DENND4A: variants seen among roughly 807,000 people sequenced by gnomAD.
The protein encoded by DENND4A is C-myc promoter-binding protein.
DENND4A carries 70 observed loss-of-function variants against 199.3 expected under a neutral mutation model. That is an observed-to-expected ratio of 0.35 (90% CI 0.29 to 0.43). The LOEUF is 0.43. DENND4A is among the 20% of genes least tolerant of loss of function. The pLI, the probability that DENND4A is intolerant of heterozygous loss-of-function variation, is 1.00. For synonymous variants in DENND4A, 686 were observed against 766.9 expected (o/e 0.89, Z 1.74); for missense variants, 1,723 against 2,255.8 (o/e 0.76, Z 4.78).
At chr15:65,710,701 G>A (rs2075222558) in intron 14 of DENND4A, among the ~76,000 whole-genome samples, 1 of 152,212 alleles carries the variant, frequency 6.6e-6, no homozygotes, top group African/African-American at 2.4e-5. Flanking sequence ...GTTTGGATAT[G>A]TGTCTATTCC....
intron 23 of DENND4A, among the ~76,000 whole-genome samples, chr15:65,683,880 T>C (rs2076664288): frequency 6.6e-6 from 1 of 152,142 alleles, no homozygotes; most frequent in Admixed American, 6.5e-5. Context: ...CCATTTACAG[T>C]TAATCTCCAT....
At chr15:65,774,510 A>C (rs1211229817) in intron 1 of DENND4A, among the ~76,000 whole-genome samples, 1 of 151,914 alleles carries the variant, frequency 6.6e-6, no homozygotes. Context: ...AAAATAAAAA[A>C]TAAAAAAGTT....
chr15:65,737,614 T>C (rs768587561), intron 7 of DENND4A, 93 bp downstream of exon 7: 24 of 1,248,256 alleles, frequency 1.9e-5, no homozygotes, highest in Non-Finnish European at 2.6e-5. Context: ...TTGAGAAATC[T>C]AGTATCCATA....
In DENND4A at chr15:65,698,726, C is replaced by CTTTT. The variant is rs71139423; in HGVS notation, c.2834-1347_2834-1344dup. On this transcript the variant is annotated intron_variant, in intron 20 of 32. Transcript: ENST00000443035. Reference sequence around the variant, plus strand: ...AGGTTTTACACTATTTTAAGATAGCCTTTTTTTTTTTTTTTTTTTTTTTTT... The same window carrying CTTTT: ...AGGTTTTACACTATTTTAAGATAGCCTTTTTTTTTTTTTTTTTTTTTTTTTTTTT... Among the ~76,000 whole-genome samples, 8 of 72,746 alleles carry CTTTT rather than the reference C, an allele frequency of 1.1e-4. 1 individual carries two copies. Among genetic ancestry groups the CTTTT allele is most frequent in the Non-Finnish European group, 2.0e-4 (8 of 39,838 alleles). The allele number at this position is 72,746 out of a possible 152,430, so 47.7% of individuals were successfully genotyped here.
chr15:65,677,314 ATCC>A (rs1270003192), intron 23 of DENND4A, among the ~76,000 whole-genome samples: 2 of 152,114 alleles, frequency 1.3e-5, no homozygotes, highest in South Asian at 2.1e-4. Flanking sequence ...GGCTCAAGCA[ATCC>A]TCCTTTCTCA....
At chr15:65,749,904 A>G (rs2076515525) in intron 4 of DENND4A, among the ~76,000 whole-genome samples, 2 of 152,150 alleles carry the variant, frequency 1.3e-5, no homozygotes, top group African/African-American at 4.8e-5. Context: ...AGTTCCACTT[A>G]CAATTACTTA....
rs1322122506 is a variant in DENND4A at position 65,702,503 on chromosome 15, T to A, written c.2232A>T (p.Lys744Asn). The change falls in exon 17 of 33, where the codon AAA becomes AAT. Residue 744 changes from lysine (K) to asparagine (N), a missense_variant. Around this residue, in one of 6 missense-constraint regions of DENND4A, gnomAD observed 725 missense variants for 952.9 expected, o/e 0.76. Transcript: ENST00000443035. ...ACCTCTTTGCAATTTTATGGGCTGA[T>A]TTAATTTCCTGGAAAAAATATAAAG... Reference protein sequence around the residue: ...PMFRRTKQEIKSAHKIAKRYS... With the variant: ...PMFRRTKQEINSAHKIAKRYS... 8 of 1,578,584 alleles carry A rather than the reference T, an allele frequency of 5.1e-6. No individual in the cohort carries two copies. Among genetic ancestry groups the A allele is most frequent in the Non-Finnish European group, 6.9e-6 (8 of 1,161,956 alleles).
At position 65,715,546 on chromosome 15, in the gene DENND4A, T is replaced by C. The variant is rs766522309; in HGVS notation, c.1885A>G (p.Ile629Val). The change falls in exon 14 of 33, where the codon ATT (isoleucine) becomes GTT (valine). Residue 629 changes from isoleucine to valine, a missense_variant. Transcript: ENST00000443035. The part of the protein sequence containing the change: ...MTKTQMFIRF[I>V]EECSFVSDKD... ...TCACTAACAAAAGAACATTCTTCAATGAAGCGAATAAACATTTGTGTTTTG... is the reference window on the plus strand; with the variant it reads ...TCACTAACAAAAGAACATTCTTCAACGAAGCGAATAAACATTTGTGTTTTG... 1.2e-6 allele frequency: 2 copies of C among 1,610,380 alleles called. No individual in the cohort carries two copies. The highest frequency in any genetic ancestry group is 2.2e-5 in the East Asian group (1 of 44,802).
At chr15:65,711,357 G>A (rs2075243283) in intron 14 of DENND4A, among the ~76,000 whole-genome samples, 1 of 152,170 alleles carries the variant, frequency 6.6e-6, no homozygotes, top group Non-Finnish European at 1.5e-5. Context: ...AGCCAGGCAT[G>A]ATGGCATATG....
At chr15:65,684,374 A>G (rs2076682261) in intron 23 of DENND4A, among the ~76,000 whole-genome samples, 1 of 152,228 alleles carries the variant, frequency 6.6e-6, no homozygotes, top group Non-Finnish European at 1.5e-5. Flanking sequence ...CATCCCCTCC[A>G]CTTGTCATCA....
chr15:65,715,930 C>T (rs1472106832), intron 13 of DENND4A, among the ~76,000 whole-genome samples: 1 of 151,974 alleles, frequency 6.6e-6, no homozygotes, highest in African/African-American at 2.4e-5. Flanking sequence ...ATATTATGTG[C>T]ACATACTTGC....
intron 7 of DENND4A, among the ~76,000 whole-genome samples, chr15:65,736,063 T>C (rs1280674194): frequency 2.0e-5 from 3 of 152,164 alleles, no homozygotes. Context: ...AGCTTCCTAA[T>C]GCTCAAAAAC....
Position 65,671,828 on chromosome 15 carries a change from C to G in DENND4A, c.4428G>C (p.Ala1476=), listed in dbSNP as rs781718938. 12 of 1,612,444 alleles carry G rather than the reference C, an allele frequency of 7.4e-6. No individual in the cohort carries two copies. The highest frequency in any genetic ancestry group is 9.3e-6 in the Non-Finnish European group (11 of 1,178,514). The change falls in exon 25 of 33, where the codon GCG becomes GCC. Residue 1476 remains alanine, a synonymous_variant. Coordinates refer to ENST00000443035, the MANE Select transcript of DENND4A (RefSeq NM_001320835.1). ...GKSEVTSSFN[A]SNTNIFQNYA... is the part of the protein sequence containing the mutation. ...AGTTCTGGAAGATATTTGTATTACT[C>G]GCGTTGAAGGAAGATGTCACTTCTG...
intron 1 of DENND4A, among the ~76,000 whole-genome samples, chr15:65,773,975 G>C (rs946523830): frequency 2.6e-5 from 4 of 152,216 alleles, no homozygotes; most frequent in African/African-American, 9.6e-5. Flanking sequence ...CTGTCATCAG[G>C]GTAGTGAAGC....
chr15:65,789,300 C>T (rs888803299), intron 1 of DENND4A, among the ~76,000 whole-genome samples: 8 of 152,270 alleles, frequency 5.3e-5, no homozygotes, highest in South Asian at 2.1e-4. Context: ...GATCCTCCTG[C>T]CTTGGCCTCC....
At chr15:65,683,633 A>G (rs553575618) in intron 23 of DENND4A, among the ~76,000 whole-genome samples, 2 of 152,174 alleles carry the variant, frequency 1.3e-5, no homozygotes, top group Non-Finnish European at 2.9e-5. Context: ...AAATTATTTG[A>G]AAGTGTGTTC....
At position 65,668,015 on chromosome 15, in the gene DENND4A, A is replaced by G. The variant is rs1200282773; in HGVS notation, c.4896T>C (p.Ile1632=). 7 of 1,612,740 alleles carry G rather than the reference A, an allele frequency of 4.3e-6. No homozygotes were observed. The highest frequency in any genetic ancestry group is 1.7e-5 in the Admixed American group (1 of 59,636). Residue 1632 remains isoleucine, a synonymous_variant, in exon 28 of 33, where the codon ATT becomes ATC. Coordinates refer to ENST00000443035, the MANE Select transcript of DENND4A (RefSeq NM_001320835.1). ...CCTTATCCAAGGGGCCAGAAGTACT[A>G]ATACTCCTGGCCATTGGAAATATTG... is the stretch of plus-strand genomic sequence containing the variant. ...KCPIFPMARS[I]STSGPLDKED... is the part of the protein sequence containing the mutation.
chr15:65,663,714 G>A (rs1172974167), intron 32 of DENND4A, among the ~76,000 whole-genome samples: 2 of 151,784 alleles, frequency 1.3e-5, no homozygotes, highest in Non-Finnish European at 2.9e-5. Flanking sequence ...CAGCTGCACC[G>A]TCATGGCTCA....
chr15:65,728,594 C>T (rs1395726566), intron 11 of DENND4A, among the ~76,000 whole-genome samples: 1 of 151,924 alleles, frequency 6.6e-6, no homozygotes, highest in Non-Finnish European at 1.5e-5. Context: ...AGCAATTCTC[C>T]TGCTTCAGCC....
Sources: allele counts gnomAD v4.1 joint callset (sites outside exome capture counted in the v4.1 genomes callset), GRCh38; gene constraint gnomAD v4.1.1; regional missense constraint gnomAD v4.1.1; transcripts MANE v1.5; gene names NCBI Gene and HGNC (gene_info 2026-07-23, HGNC 2026-07-21).